MEI4: variants seen among roughly 807,000 people sequenced by gnomAD.
MEI4 encodes meiosis-specific protein MEI4.
In MEI4, 27 loss-of-function variants were observed where a neutral mutation model predicts 31.4. The observed-to-expected ratio is 0.86, with a 90% CI of 0.63 to 1.19. The LOEUF is 1.19. Among genes scored for constraint, MEI4 ranks in the 50% most tolerant of loss-of-function variants. The pLI is 0.00. For missense variants in MEI4, 329 were observed against 398.9 expected, an observed-to-expected ratio of 0.82 and a Z score of 1.49; for synonymous variants, 122 against 145.4, an observed-to-expected ratio of 0.84 and a Z score of 1.16.
rs113916964 is a variant in MEI4, at chr6:77,794,721, G to A, written c.768+33056G>A. On this transcript the variant is annotated intron_variant, in intron 3 of 4. Transcript: ENST00000684080. ...ACCATCCAGACAGAAAAAAAAAATAGGACTTGAATAACAGTGTAGTTCAAA... is the reference window on the plus strand; with the variant it reads ...ACCATCCAGACAGAAAAAAAAAATAAGACTTGAATAACAGTGTAGTTCAAA... 9.2e-3 allele frequency among the ~76,000 whole-genome samples: 1,393 copies of A among 151,944 alleles called. 17 individuals are homozygous for A. Among genetic ancestry groups the A allele is most frequent in the African/African-American group, 0.031 (1,289 of 41,450 alleles).
intron 1 of MEI4, among the ~76,000 whole-genome samples, chr6:77,685,587 C>T (rs1769040303): frequency 6.6e-6 from 1 of 151,998 alleles, no homozygotes; most frequent in South Asian, 2.1e-4. Context: ...CTTTTGTTGC[C>T]TGTCCTTCTG....
At chr6:77,855,694 T>C (rs1365732965) in intron 4 of MEI4, among the ~76,000 whole-genome samples, 2 of 152,304 alleles carry the variant, frequency 1.3e-5, no homozygotes, top group East Asian at 3.9e-4. Flanking sequence ...CATCTGTGTT[T>C]AATGCAATGT....
At chr6:77,750,724 TA>T (rs1190976706) in intron 2 of MEI4, among the ~76,000 whole-genome samples, 1 of 151,778 alleles carries the variant, frequency 6.6e-6, no homozygotes, top group African/African-American at 2.4e-5. Flanking sequence ...GACAAAAAAT[TA>T]ACAAAGGATA....
intron 3 of MEI4, among the ~76,000 whole-genome samples, chr6:77,788,626 C>A (rs553056465): frequency 6.6e-6 from 1 of 151,820 alleles, no homozygotes; most frequent in South Asian, 2.1e-4. Context: ...AACAGAGAGC[C>A]GAATCATGAG....
intron 4 of MEI4, among the ~76,000 whole-genome samples, chr6:77,887,679 C>A (rs933271920): frequency 2.0e-5 from 3 of 152,110 alleles, no homozygotes; most frequent in Non-Finnish European, 4.4e-5. Flanking sequence ...TTTGTTGAGA[C>A]TTGTTTTGTG....
intron 4 of MEI4, among the ~76,000 whole-genome samples, chr6:77,862,976 G>C (rs1292286516): frequency 6.6e-6 from 1 of 152,166 alleles, no homozygotes; most frequent in Non-Finnish European, 1.5e-5. Flanking sequence ...GTCTGGAGTG[G>C]ACCTCCAGCA....
intron 4 of MEI4, among the ~76,000 whole-genome samples, chr6:77,869,061 T>C (rs1771133290): frequency 6.6e-6 from 1 of 152,174 alleles, no homozygotes; most frequent in Admixed American, 6.6e-5. Context: ...TCAGTATTTA[T>C]ATACTGAACA....
intron 2 of MEI4, among the ~76,000 whole-genome samples, chr6:77,742,939 G>A (rs1057236871): frequency 1.2e-4 from 18 of 152,052 alleles, no homozygotes; most frequent in Middle Eastern, 3.4e-3. Context: ...GTAGATATGC[G>A]GCGTTATTTC....
At chr6:77,701,762 T>G (rs1582039600) in intron 2 of MEI4, among the ~76,000 whole-genome samples, 1 of 152,150 alleles carries the variant, frequency 6.6e-6, no homozygotes, top group Non-Finnish European at 1.5e-5. Flanking sequence ...AATTCATTGA[T>G]GTACATGTTT....
At chr6:77,677,391 G>A (rs1003939523) in intron 1 of MEI4, among the ~76,000 whole-genome samples, 3 of 152,018 alleles carry the variant, frequency 2.0e-5, no homozygotes, top group Non-Finnish European at 4.4e-5. Context: ...TTTTGTTTCT[G>A]CCTTCTTTTC....
At chr6:77,853,111 T>A (rs1299580491) in intron 4 of MEI4, among the ~76,000 whole-genome samples, 1 of 152,112 alleles carries the variant, frequency 6.6e-6, no homozygotes, top group Non-Finnish European at 1.5e-5. Context: ...GGCAGGAGAA[T>A]CGCTTCAACC....
chr6:77,852,588 T>TG (rs1178332424), intron 4 of MEI4, among the ~76,000 whole-genome samples: 6 of 150,202 alleles, frequency 4.0e-5, no homozygotes, highest in East Asian at 2.0e-4. Flanking sequence ...GTTGTTTGTT[T>TG]TTTTTTTTTG....
intron 3 of MEI4, among the ~76,000 whole-genome samples, chr6:77,781,627 TC>T (rs769535268): frequency 3.5e-4 from 54 of 152,340 alleles, no homozygotes; most frequent in Non-Finnish European, 6.3e-4. Context: ...TTAAGTTCTT[TC>T]TATATGTTTT....
At chr6:77,701,246 T>A (rs556101655) in intron 2 of MEI4, among the ~76,000 whole-genome samples, 8 of 152,136 alleles carry the variant, frequency 5.3e-5, no homozygotes, top group Non-Finnish European at 1.0e-4. Flanking sequence ...TTAGTCTAGG[T>A]CTGAGAAGGT....
chr6:77,744,145 AAGGCTTCAG>A (rs1767509916), intron 2 of MEI4, among the ~76,000 whole-genome samples: 2 of 152,230 alleles, frequency 1.3e-5, no homozygotes, highest in South Asian at 4.1e-4. Flanking sequence ...TTGAGAGAAG[AAGGCTTCAG>A]ACGATCAAAC....
At chr6:77,682,177 A>G (rs1768970978) in intron 1 of MEI4, among the ~76,000 whole-genome samples, 1 of 152,222 alleles carries the variant, frequency 6.6e-6, no homozygotes, top group Admixed American at 6.5e-5. Flanking sequence ...ATATTTCACC[A>G]TCATGATACA....
At chr6:77,677,295 C>T (rs1768862220) in intron 1 of MEI4, among the ~76,000 whole-genome samples, 1 of 152,106 alleles carries the variant, frequency 6.6e-6, no homozygotes, top group South Asian at 2.1e-4. Flanking sequence ...TTTCTGAGCT[C>T]GTTTCATTTT....
At chr6:77,909,261 A>C (rs1018711424) in intron 4 of MEI4, among the ~76,000 whole-genome samples, 1 of 152,170 alleles carries the variant, frequency 6.6e-6, no homozygotes, top group Non-Finnish European at 1.5e-5. Flanking sequence ...AAATCAGTGA[A>C]TCCAGGAGCT....
intron 2 of MEI4, among the ~76,000 whole-genome samples, chr6:77,713,162 C>T (rs1766504706): frequency 6.6e-6 from 1 of 152,038 alleles, no homozygotes; most frequent in Non-Finnish European, 1.5e-5. Context: ...AGTTGCTTAC[C>T]TCCATGATAC....
Sources: allele counts gnomAD v4.1 joint callset (sites outside exome capture counted in the v4.1 genomes callset), GRCh38; gene constraint gnomAD v4.1.1; transcripts MANE v1.5; gene names NCBI Gene and HGNC (gene_info 2026-07-23, HGNC 2026-07-21).